The following ABCB5 variants were observed in gnomAD, a reference collection of about 807,000 sequenced individuals.
The protein encoded by ABCB5 is ATP binding cassette subfamily B member 5.
ABCB5 carries 155 observed loss-of-function variants against 144.2 expected under a neutral mutation model. That is an observed-to-expected ratio of 1.08 (90% confidence interval 0.94 to 1.23). The LOEUF is 1.23. ABCB5 is among the 50% of genes most tolerant of loss of function. The pLI is 0.00. For synonymous variants in ABCB5, 610 were observed against 528.6 expected (o/e 1.15, Z -2.11); for missense variants, 1,830 against 1,520.8 (o/e 1.20, Z -3.38).
At chr7:20,712,533 C>T (rs1781521233) in intron 20 of ABCB5, among the ~76,000 whole-genome samples, 1 of 149,574 alleles carries the variant, frequency 6.7e-6, no homozygotes, top group Admixed American at 6.7e-5. Flanking sequence ...TGAAGTTTTA[C>T]CACATCTCAG....
intron 24 of ABCB5, among the ~76,000 whole-genome samples, chr7:20,742,123 C>G (rs915064921): frequency 1.3e-5 from 2 of 152,154 alleles, no homozygotes; most frequent in African/African-American, 4.8e-5. Context: ...CCTGTAATCC[C>G]AGCACTTCGG....
intron 19 of ABCB5, 49 bp downstream of exon 19, chr7:20,700,184 A>T: frequency 7.0e-7 from 1 of 1,434,068 alleles, no homozygotes; most frequent in Non-Finnish European, 9.5e-7. Flanking sequence ...ATTTATTGTA[A>T]AACATTCTAG....
rs574000162 is a variant in ABCB5 at position 20,728,911 on chromosome 7, T to C, written c.2867+456T>C. On this transcript the variant is annotated intron_variant, in intron 23 of 27. Coordinates refer to ENST00000404938, the MANE Select transcript of ABCB5 (RefSeq NM_001163941.2). ...TGAATTTTTTTTAAGTTGGAATTTTTTTAAATATACACATATTTTTAAATT... is the reference window on the plus strand; with the variant it reads ...TGAATTTTTTTTAAGTTGGAATTTTCTTAAATATACACATATTTTTAAATT... Among the ~76,000 whole-genome samples, 7 of 152,334 alleles carry C rather than the reference T, an allele frequency of 4.6e-5. No homozygotes were observed. In the East Asian group the frequency reaches 7.7e-4, roughly 17 times the overall value.
intron 20 of ABCB5, among the ~76,000 whole-genome samples, chr7:20,713,914 A>C (rs1781580465): frequency 7.7e-6 from 1 of 129,976 alleles, no homozygotes; most frequent in South Asian, 2.4e-4. Flanking sequence ...TATGCTGCAA[A>C]CTCTAGCTGA....
chr7:20,641,090 T>G (rs1784285982), intron 5 of ABCB5, among the ~76,000 whole-genome samples: 1 of 152,152 alleles, frequency 6.6e-6, no homozygotes, highest in African/African-American at 2.4e-5. Context: ...CATTTCTCAT[T>G]TTCAGCTTCT....
intron 12 of ABCB5, 68 bp from the exon 13 acceptor site, chr7:20,651,352 A>G: frequency 6.8e-7 from 1 of 1,469,204 alleles, no homozygotes; most frequent in Non-Finnish European, 9.4e-7. Context: ...ATTTTGGTCT[A>G]GTATGAAAAA....
chr7:20,754,724 C>T (rs1397766901), intron 27 of ABCB5, among the ~76,000 whole-genome samples: 1 of 152,058 alleles, frequency 6.6e-6, no homozygotes, highest in Non-Finnish European at 1.5e-5. Flanking sequence ...AATACTACTT[C>T]CTGACTTTGA....
At chr7:20,676,622 G>A (rs974030798) in intron 14 of ABCB5, among the ~76,000 whole-genome samples, 33 of 152,240 alleles carry the variant, frequency 2.2e-4, no homozygotes, top group Admixed American at 1.9e-3. Context: ...GCTGTTCAGT[G>A]GGAATAAAAT....
Position 20,658,678 on chromosome 7 carries a change from T to A in ABCB5, c.1707+2T>A. 2 of 1,613,108 alleles carry A rather than the reference T, an allele frequency of 1.2e-6. No individual in the cohort carries two copies. Among genetic ancestry groups the A allele is most frequent in the Non-Finnish European group, 1.7e-6 (2 of 1,179,710 alleles). ...GCTGTTCAAGCTGCACTGGAGAAGG[T>A]AAGTGAGCAGAAACGTTTCTTATTT... On this transcript the variant is annotated splice_donor_variant, in intron 14 of 27. Coordinates refer to ENST00000404938, the MANE Select transcript of ABCB5 (RefSeq NM_001163941.2). LOFTEE classifies it high-confidence loss of function.
chr7:20,629,839 G>T (rs1783995974), intron 4 of ABCB5, among the ~76,000 whole-genome samples: 1 of 152,122 alleles, frequency 6.6e-6, no homozygotes, highest in African/African-American at 2.4e-5. Flanking sequence ...CAGTTTAGTA[G>T]CTACTTAGGT....
At chr7:20,752,357 C>A (rs924699772) in intron 26 of ABCB5, among the ~76,000 whole-genome samples, 6 of 152,204 alleles carry the variant, frequency 3.9e-5, no homozygotes, top group Non-Finnish European at 8.8e-5. Context: ...AACCTGCTTA[C>A]CCCAACTGTA....
chr7:20,723,466 T>G (rs1175675186), intron 21 of ABCB5, among the ~76,000 whole-genome samples: 1 of 152,228 alleles, frequency 6.6e-6, no homozygotes, highest in Non-Finnish European at 1.5e-5. Context: ...TTAGCTGAGT[T>G]AGAATCCAGA....
At chr7:20,741,069 C>G (rs899153002) in intron 24 of ABCB5, among the ~76,000 whole-genome samples, 1 of 150,024 alleles carries the variant, frequency 6.7e-6, no homozygotes, top group Admixed American at 6.7e-5. Flanking sequence ...CACCACTGTA[C>G]TCCAGCCTGG....
intron 20 of ABCB5, among the ~76,000 whole-genome samples, chr7:20,720,153 G>A (rs890071373): frequency 6.6e-6 from 1 of 152,104 alleles, no homozygotes; most frequent in African/African-American, 2.4e-5. Flanking sequence ...CAGAAAGTAA[G>A]GACATATTCC....
intron 20 of ABCB5, among the ~76,000 whole-genome samples, chr7:20,719,720 A>G (rs1781800544): frequency 6.6e-6 from 1 of 152,212 alleles, no homozygotes; most frequent in African/African-American, 2.4e-5. Flanking sequence ...ATGAGAGCAG[A>G]TGGGTTACCC....
At chr7:20,656,831 C>T (rs972506991) in intron 13 of ABCB5, among the ~76,000 whole-genome samples, 25 of 150,174 alleles carry the variant, frequency 1.7e-4, no homozygotes, top group African/African-American at 5.9e-4. Flanking sequence ...TTATAATAGC[C>T]AAAAATAGGA....
At chr7:20,622,534 A>G (rs1223461454) in intron 1 of ABCB5, among the ~76,000 whole-genome samples, 1 of 152,096 alleles carries the variant, frequency 6.6e-6, no homozygotes, top group Non-Finnish European at 1.5e-5. Context: ...TCCACTTTAA[A>G]GTTTAAAGCC....
chr7:20,737,773 T>G (rs371467902), intron 23 of ABCB5, among the ~76,000 whole-genome samples: 1 of 152,268 alleles, frequency 6.6e-6, no homozygotes. Flanking sequence ...ACCTTCTGAT[T>G]TGGTTACCTA....
At chr7:20,749,616 A>G (rs997782549) in intron 26 of ABCB5, among the ~76,000 whole-genome samples, 1 of 152,042 alleles carries the variant, frequency 6.6e-6, no homozygotes, top group Non-Finnish European at 1.5e-5. Context: ...TATTTAGGGA[A>G]GATAGGACAA....
Sources: gnomAD v4.1 joint callset for allele counts (sites outside exome capture counted in the v4.1 genomes callset) on GRCh38, gnomAD v4.1.1 for gene constraint, MANE v1.5 for transcripts, NCBI Gene and HGNC (gene_info 2026-07-23, HGNC 2026-07-21) for gene names.